CD300E: variants seen among roughly 807,000 people sequenced by gnomAD.
CD300E encodes CMRF35-like molecule 2.
A neutral mutation model predicts 20.9 loss-of-function variants in CD300E; 14 were observed. The observed-to-expected ratio is 0.67, with a 90% CI of 0.44 to 1.05. The LOEUF (loss-of-function observed/expected upper bound fraction) is 1.05. CD300E is among the 50% of genes least tolerant of loss of function. The probability of loss-of-function intolerance (pLI) is 0.00; values close to 1 mark genes in which losing one functional copy is unlikely to be tolerated. For synonymous variants in CD300E, 102 were observed against 103.7 expected, an observed-to-expected ratio of 0.98 and a Z score of 0.10; for missense variants, 237 against 253.9, an observed-to-expected ratio of 0.93 and a Z score of 0.45.
At chr17:74,615,919 C>G (rs957685822) in intron 2 of CD300E, among the ~76,000 whole-genome samples, 1 of 152,082 alleles carries the variant, frequency 6.6e-6, no homozygotes, top group Non-Finnish European at 1.5e-5. Flanking sequence ...GATGCTGTCT[C>G]TACTAAAAAA....
At chr17:74,616,817 C>T (rs2030910212) in intron 2 of CD300E, among the ~76,000 whole-genome samples, 1 of 152,180 alleles carries the variant, frequency 6.6e-6, no homozygotes, top group South Asian at 2.1e-4. Flanking sequence ...TTGGTACAGG[C>T]TTCCCAAAGG....
At chr17:74,613,047 C>A (rs2030819786) in intron 3 of CD300E, among the ~76,000 whole-genome samples, 1 of 152,188 alleles carries the variant, frequency 6.6e-6, no homozygotes, top group South Asian at 2.1e-4. Flanking sequence ...CCTCTCTGTC[C>A]CTGTCCCACT....
intron 2 of CD300E, 52 bp downstream of exon 2, chr17:74,617,066 C>T: frequency 6.6e-6 from 10 of 1,508,010 alleles, no homozygotes; most frequent in Non-Finnish European, 9.2e-6. Flanking sequence ...ACCCTTGTTC[C>T]CTTGTCCAGT....
rs200386970 is a variant in CD300E at position 74,612,834 on chromosome 17, C to A, written c.498-61G>T. On this transcript the variant is annotated intron_variant, in intron 3 of 3. Coordinates refer to ENST00000392619, the MANE Select transcript of CD300E (RefSeq NM_181449.3). ...GGGAGAACCCCCAGGACCCTTCTCT[C>A]CCCACCTCTCCCCATGCTCTGACTC... 2.4e-5 allele frequency: 38 copies of A among 1,588,392 alleles called. No individual in the cohort carries two copies. The East Asian group carries it at 8.5e-4, about 36-fold the overall frequency.
chr17:74,615,989 G>A (rs964732406), intron 2 of CD300E, among the ~76,000 whole-genome samples: 1 of 152,200 alleles, frequency 6.6e-6, no homozygotes, highest in Non-Finnish European at 1.5e-5. Flanking sequence ...AGGGGGCTGA[G>A]GTGGGAGGAT....
intron 3 of CD300E, 63 bp from the exon 4 acceptor site, chr17:74,612,836 C>G: frequency 6.3e-7 from 1 of 1,588,618 alleles, no homozygotes; most frequent in Non-Finnish European, 8.6e-7. Context: ...CCTTCTCTCC[C>G]CACCTCTCCC....
At chr17:74,616,505 G>A (rs1040176614) in intron 2 of CD300E, among the ~76,000 whole-genome samples, 3 of 152,138 alleles carry the variant, frequency 2.0e-5, no homozygotes, top group South Asian at 4.1e-4. Context: ...CGTTGAATGA[G>A]GGGGAGCAGC....
chr17:74,613,613 G>A (rs912131805), intron 3 of CD300E, among the ~76,000 whole-genome samples: 16 of 152,186 alleles, frequency 1.1e-4, no homozygotes, highest in Non-Finnish European at 2.4e-4. Flanking sequence ...CCACAGAACT[G>A]GGACCCCAAG....
intron 2 of CD300E, 142 bp from the exon 3 acceptor site, chr17:74,614,175 G>A: frequency 1.5e-6 from 1 of 670,634 alleles, no homozygotes; most frequent in Non-Finnish European, 2.6e-6. Context: ...GCACCTCCTG[G>A]GTGAAACCCC....
chr17:74,610,092 G>A lies in CD300E; in HGVS notation c.*2561C>T, dbSNP rs2030743647. 1 of 152,254 alleles carries A rather than the reference G, an allele frequency of 6.6e-6. No homozygotes were observed. The highest frequency in any genetic ancestry group is 2.4e-5 in the African/African-American group (1 of 41,410). The allele number at this position is 152,254 out of a possible 1,614,324, so 9.4% of individuals were successfully genotyped here. On this transcript the variant is annotated 3_prime_UTR_variant, in exon 4 of 4. Transcript: ENST00000392619. ...TCTGCTGTCATTGCTCTGTTGATCTGCTCTTCTGAACTTCATTAGTGACCT... is the reference window on the plus strand; with the variant it reads ...TCTGCTGTCATTGCTCTGTTGATCTACTCTTCTGAACTTCATTAGTGACCT...
At chr17:74,620,993 A>G (rs541716630) in intron 1 of CD300E, among the ~76,000 whole-genome samples, 73 of 152,164 alleles carry the variant, frequency 4.8e-4, no homozygotes, top group Non-Finnish European at 8.8e-4. Flanking sequence ...CAGTGAGCCA[A>G]GATCACCCCA....
Position 74,610,397 on chromosome 17 carries a change from C to G in CD300E, c.*2256G>C, listed in dbSNP as rs1024949751. The stretch of plus-strand genomic sequence containing the variant: ...ACACATTCCTCTCCAGCCCTCAACA[C>G]TCTGCTAACCCACATCTCTAGCTAT... On this transcript the variant is annotated 3_prime_UTR_variant, in exon 4 of 4. Coordinates refer to ENST00000392619, the MANE Select transcript of CD300E (RefSeq NM_181449.3). The G allele has an allele frequency of 5.9e-5, 9 of 152,490 alleles. No individual in the cohort carries two copies. Among genetic ancestry groups the G allele is most frequent in the African/African-American group, 2.2e-4 (9 of 41,574 alleles). The allele number at this position is 152,490 out of a possible 1,614,324, so 9.4% of individuals were successfully genotyped here. A position where few individuals can be genotyped will look rare whatever the true frequency, so the allele number is the denominator to read the frequency against.
intron 2 of CD300E, among the ~76,000 whole-genome samples, chr17:74,614,346 G>A (rs960758850): frequency 3.9e-5 from 6 of 152,210 alleles, no homozygotes; most frequent in South Asian, 4.1e-4. Flanking sequence ...CTGGGCTTCC[G>A]CAGCCAGATG....
chr17:74,618,053 C>T (rs2143365698), intron 1 of CD300E, among the ~76,000 whole-genome samples: 1 of 152,298 alleles, frequency 6.6e-6, no homozygotes, highest in South Asian at 2.1e-4. Context: ...CAATAGTCCC[C>T]AGGTCTTGGG....
At chr17:74,613,903 C>T in intron 3 of CD300E, 22 bp downstream of exon 3, 1 of 1,579,556 alleles carries the variant, frequency 6.3e-7, no homozygotes, top group African/African-American at 1.3e-5. Flanking sequence ...CCCTCCATGG[C>T]CTCCAGGCCC....
At position 74,609,902 on chromosome 17, in the gene CD300E, T is replaced by C. The variant is rs2030738198; in HGVS notation, c.*2751A>G. 6.6e-6 allele frequency: 1 copy of C among 152,170 alleles called. No homozygotes were observed. Among genetic ancestry groups the C allele is most frequent in the Non-Finnish European group, 1.5e-5 (1 of 68,028 alleles). The allele number at this position is 152,170 out of a possible 1,614,324, so 9.4% of individuals were successfully genotyped here. A position where few individuals can be genotyped will look rare whatever the true frequency, so the allele number is the denominator to read the frequency against. On this transcript the variant is annotated 3_prime_UTR_variant, in exon 4 of 4. Coordinates refer to ENST00000392619, the MANE Select transcript of CD300E (RefSeq NM_181449.3). ...GCACCATAGACACACAATAAAAGTT[T>C]ATTGAATGAATGAGTAAATAAAGGG...
At position 74,614,035 on chromosome 17, in the gene CD300E, T is replaced by C. The variant is rs373644584; in HGVS notation, c.389-2A>G. 2 of 1,611,956 alleles carry C rather than the reference T, an allele frequency of 1.2e-6. No individual in the cohort carries two copies. Among genetic ancestry groups the C allele is most frequent in the Non-Finnish European group, 1.7e-6 (2 of 1,178,384 alleles). Reference sequence around the variant, plus strand: ...TGGTCCTCCTTGGGGTTGTAATTGCTGTTGGAGATGAAAATGATGCATCAG... The same window carrying C: ...TGGTCCTCCTTGGGGTTGTAATTGCCGTTGGAGATGAAAATGATGCATCAG... On this transcript the variant is annotated splice_acceptor_variant, in intron 2 of 3. Transcript: ENST00000392619. LOFTEE classifies it high-confidence loss of function.
At chr17:74,618,579 G>A (rs1233614832) in intron 1 of CD300E, among the ~76,000 whole-genome samples, 1 of 152,106 alleles carries the variant, frequency 6.6e-6, no homozygotes, top group Non-Finnish European at 1.5e-5. Context: ...GAGGATGGAG[G>A]AGCCCCTGAC....
At chr17:74,615,144 G>T (rs1163163640) in intron 2 of CD300E, among the ~76,000 whole-genome samples, 1 of 152,252 alleles carries the variant, frequency 6.6e-6, no homozygotes, top group Non-Finnish European at 1.5e-5. Context: ...GAGCACAGGG[G>T]AGAAGCCTAA....
Sources: allele counts gnomAD v4.1 joint callset (sites outside exome capture counted in the v4.1 genomes callset), GRCh38; gene constraint gnomAD v4.1.1; transcripts MANE v1.5; gene names NCBI Gene and HGNC (gene_info 2026-07-23, HGNC 2026-07-21).